Variants in CSMD1 observed in about 807,000 individuals in gnomAD.
CSMD1 encodes CUB and sushi domain-containing protein 1.
Under a neutral mutation model 417.5 loss-of-function variants are expected in CSMD1, and 213 were observed. The ratio of observed to expected loss-of-function variants is 0.51; its 90% CI spans 0.46 to 0.57. The LOEUF (loss-of-function observed/expected upper bound fraction) is 0.57, where lower values mean the gene tolerates loss of function less well. Among genes scored for constraint, CSMD1 ranks in the 20% least tolerant of loss-of-function variants. The pLI is 0.00. For missense variants in CSMD1, 6,923 were observed against 4,529.7 expected (o/e 1.53, Z -15.17); for synonymous variants, 2,862 against 1,736.8 (o/e 1.65, Z -16.11).
At chr8:3,690,034 G>A (rs149020476) in intron 7 of CSMD1, among the ~76,000 whole-genome samples, 1 of 152,180 alleles carries the variant, frequency 6.6e-6, no homozygotes, top group Non-Finnish European at 1.5e-5. Flanking sequence ...TCTTGCTTTA[G>A]CAAACATAAA....
intron 1 of CSMD1, among the ~76,000 whole-genome samples, chr8:4,749,165 G>T (rs141764387): frequency 4.3e-4 from 65 of 152,262 alleles, no homozygotes; most frequent in African/African-American, 1.3e-3. Context: ...TCACAGAAAA[G>T]AAAATCTATT....
At chr8:4,013,566 C>G (rs1326276365) in intron 4 of CSMD1, among the ~76,000 whole-genome samples, 1 of 152,184 alleles carries the variant, frequency 6.6e-6, no homozygotes, top group African/African-American at 2.4e-5. Context: ...AGTGAGAACA[C>G]TTACAAACAC....
intron 1 of CSMD1, among the ~76,000 whole-genome samples, chr8:4,834,751 T>C (rs908889779): frequency 1.1e-4 from 16 of 151,012 alleles, no homozygotes; most frequent in Admixed American, 4.6e-4. Flanking sequence ...CATCAGGAGA[T>C]CGAGACCATC....
chr8:4,373,708 A>C (rs1383819481), intron 3 of CSMD1, among the ~76,000 whole-genome samples: 3 of 152,094 alleles, frequency 2.0e-5, no homozygotes, highest in Non-Finnish European at 2.9e-5. Context: ...AAACATTTCT[A>C]TACTGTCATC....
intron 12 of CSMD1, among the ~76,000 whole-genome samples, chr8:3,430,899 G>C (rs900108270): frequency 6.6e-6 from 1 of 152,158 alleles, no homozygotes; most frequent in African/African-American, 2.4e-5. Flanking sequence ...AATAATTGAA[G>C]AAAATTGGAT....
At chr8:4,188,779 G>C (rs1029919971) in intron 3 of CSMD1, among the ~76,000 whole-genome samples, 3 of 146,682 alleles carry the variant, frequency 2.0e-5, no homozygotes, top group East Asian at 2.0e-4. Context: ...TAGGAAAGAA[G>C]ATAAAGAAAC....
chr8:3,752,396 T>A (rs995122866), intron 6 of CSMD1, among the ~76,000 whole-genome samples: 1 of 152,160 alleles, frequency 6.6e-6, no homozygotes, highest in African/African-American at 2.4e-5. Context: ...GGCTCACACC[T>A]GTAATCCCAG....
intron 3 of CSMD1, among the ~76,000 whole-genome samples, chr8:4,257,283 G>A: frequency 6.6e-6 from 1 of 152,146 alleles, no homozygotes; most frequent in East Asian, 1.9e-4. Context: ...TACCCTTTCT[G>A]TTATGGCTTA....
intron 5 of CSMD1, among the ~76,000 whole-genome samples, chr8:3,876,074 T>A (rs927669750): frequency 6.6e-6 from 1 of 152,210 alleles, no homozygotes; most frequent in African/African-American, 2.4e-5. Context: ...TGAAATATAC[T>A]TGTTGTCTTT....
intron 5 of CSMD1, among the ~76,000 whole-genome samples, chr8:3,790,275 G>C (rs896790474): frequency 2.6e-5 from 4 of 152,134 alleles, no homozygotes; most frequent in South Asian, 2.1e-4. Flanking sequence ...CGAAATAACA[G>C]AAAACAAGAT....
intron 2 of CSMD1, among the ~76,000 whole-genome samples, chr8:4,634,310 G>A (rs2130851232): frequency 6.6e-6 from 1 of 152,152 alleles, no homozygotes; most frequent in Middle Eastern, 3.4e-3. Flanking sequence ...TACAAGGTAA[G>A]CATCAATAAT....
At position 4,924,872 on chromosome 8, in the gene CSMD1, C is replaced by A. The variant is rs542565291; in HGVS notation, c.85+69460G>T. ...AGAAAATATGTTTCTCAAGTTTCCC[C>A]AACCAGCACAAGACAAAACTGGGAT... On this transcript the variant is annotated intron_variant, in intron 1 of 69. Coordinates refer to ENST00000635120, the MANE Select transcript of CSMD1 (RefSeq NM_033225.6). Among the ~76,000 whole-genome samples the A allele has an allele frequency of 1.6e-3, 244 of 152,080 alleles. 1 individual carries two copies. The highest frequency in any genetic ancestry group is 2.8e-3 in the Non-Finnish European group (193 of 68,014).
chr8:4,143,054 A>C (rs1803886585), intron 3 of CSMD1, among the ~76,000 whole-genome samples: 1 of 151,052 alleles, frequency 6.6e-6, no homozygotes, highest in African/African-American at 2.5e-5. Flanking sequence ...CACACAAACA[A>C]AATGAACACA....
chr8:4,480,188 A>AC (rs1007187365), intron 2 of CSMD1, among the ~76,000 whole-genome samples: 7 of 86,582 alleles, frequency 8.1e-5, no homozygotes, highest in African/African-American at 5.5e-4. Context: ...GTTATCTCAC[A>AC]AAAAAAAAAA....
intron 10 of CSMD1, among the ~76,000 whole-genome samples, chr8:3,507,496 T>G (rs1049761947): frequency 1.3e-5 from 2 of 152,198 alleles, no homozygotes; most frequent in Non-Finnish European, 2.9e-5. Context: ...GCAGCATGAT[T>G]TATAATCCTT....
intron 5 of CSMD1, among the ~76,000 whole-genome samples, chr8:3,848,314 G>A (rs1803652440): frequency 6.6e-6 from 1 of 152,124 alleles, no homozygotes; most frequent in South Asian, 2.1e-4. Flanking sequence ...ACTAACAACA[G>A]AGATCACCAC....
chr8:3,689,710 A>G, intron 7 of CSMD1, among the ~76,000 whole-genome samples: 1 of 136,572 alleles, frequency 7.3e-6, no homozygotes, highest in African/African-American at 2.5e-5. Flanking sequence ...GTAAAGTACT[A>G]TAATCAATCC....
intron 10 of CSMD1, among the ~76,000 whole-genome samples, chr8:3,567,510 G>A (rs1000797254): frequency 5.3e-5 from 8 of 149,584 alleles, no homozygotes; most frequent in Non-Finnish European, 1.0e-4. Flanking sequence ...AGGAAGGGAG[G>A]GGAGGGGGAA....
chr8:4,727,619 A>T (rs1421050492), intron 1 of CSMD1, among the ~76,000 whole-genome samples: 1 of 152,112 alleles, frequency 6.6e-6, no homozygotes, highest in South Asian at 2.1e-4. Context: ...TTCCAAGTTT[A>T]TATTTCCGTG....
Sources: allele counts gnomAD v4.1 joint callset (sites outside exome capture counted in the v4.1 genomes callset), GRCh38; gene constraint gnomAD v4.1.1; transcripts MANE v1.5; gene names NCBI Gene and HGNC (gene_info 2026-07-23, HGNC 2026-07-21).